CDKL1: variants seen among roughly 807,000 people sequenced by gnomAD.
CDKL1 encodes cyclin-dependent kinase-like 1.
A neutral mutation model predicts 42.0 loss-of-function variants in CDKL1; 41 were observed. That is an observed-to-expected ratio of 0.98 (90% CI 0.76 to 1.27). The LOEUF is 1.27. CDKL1 is among the 50% of genes most tolerant of loss of function. The pLI, the probability that CDKL1 is intolerant of heterozygous loss-of-function variation, is 0.00. For synonymous variants in CDKL1, 153 were observed against 158.6 expected, an observed-to-expected ratio of 0.96 and a Z score of 0.26; for missense variants, 394 against 428.4, an observed-to-expected ratio of 0.92 and a Z score of 0.71.
chr14:50,338,929 C>T lies in CDKL1; in HGVS notation c.738+18G>A. 6.4e-7 allele frequency: 1 copy of T among 1,553,568 alleles called. No individual in the cohort carries two copies. The highest frequency in any genetic ancestry group is 8.9e-7 in the Non-Finnish European group (1 of 1,124,958). On this transcript the variant is annotated intron_variant, in intron 7 of 9. Transcript: ENST00000395834. ...GCTAGCCTGGCCTACAGAGCTCTCT[C>T]CAAAATGGGTAACTCACCATATCTT...
intron 2 of CDKL1, among the ~76,000 whole-genome samples, chr14:50,374,714 T>G (rs887856325): frequency 6.6e-6 from 1 of 152,202 alleles, no homozygotes; most frequent in African/African-American, 2.4e-5. Context: ...GATACATGTA[T>G]GTACACAGGT....
intron 2 of CDKL1, among the ~76,000 whole-genome samples, chr14:50,378,705 A>G (rs751858636): frequency 6.6e-6 from 1 of 152,058 alleles, no homozygotes; most frequent in African/African-American, 2.4e-5. Flanking sequence ...GGATAATTAA[A>G]AAAATTTTTT....
intron 2 of CDKL1, among the ~76,000 whole-genome samples, chr14:50,393,939 C>T (rs1020825789): frequency 6.6e-6 from 1 of 152,144 alleles, no homozygotes; most frequent in African/African-American, 2.4e-5. Context: ...TTTTTCCAAT[C>T]CAACAATGAC....
intron 6 of CDKL1, 125 bp downstream of exon 6, chr14:50,340,907 G>C (rs933331769): frequency 1.0e-6 from 1 of 968,326 alleles, no homozygotes; most frequent in Non-Finnish European, 1.5e-6. Context: ...ATGAGGCTTC[G>C]AGTTTTCCTC....
intron 2 of CDKL1, among the ~76,000 whole-genome samples, chr14:50,383,946 A>G (rs910663754): frequency 1.1e-4 from 16 of 152,230 alleles, no homozygotes; most frequent in African/African-American, 3.9e-4. Flanking sequence ...TTTCTAGATA[A>G]ACACATCAAG....
intron 2 of CDKL1, among the ~76,000 whole-genome samples, chr14:50,373,051 GT>G (rs1210140819): frequency 6.6e-6 from 1 of 152,100 alleles, no homozygotes; most frequent in African/African-American, 2.4e-5. Context: ...TATTAGCATA[GT>G]TTTTTCTATT....
chr14:50,346,003 C>T (rs1342816615), intron 3 of CDKL1, among the ~76,000 whole-genome samples: 1 of 152,094 alleles, frequency 6.6e-6, no homozygotes, highest in East Asian at 1.9e-4. Context: ...TTTTCTGAGA[C>T]CCCAACCCAC....
chr14:50,377,736 T>A, intron 2 of CDKL1: 1 of 1,264,158 alleles, frequency 7.9e-7, no homozygotes, highest in African/African-American at 1.6e-5. Context: ...GGCACTGCAG[T>A]GGCACATGAG....
intron 3 of CDKL1, among the ~76,000 whole-genome samples, chr14:50,351,972 A>G (rs1315585447): frequency 6.6e-6 from 1 of 152,160 alleles, no homozygotes; most frequent in Non-Finnish European, 1.5e-5. Flanking sequence ...GATTTCAGGG[A>G]GCTAAATTTT....
At chr14:50,397,078 C>G, upstream of CDKL1, 2 of 1,343,192 alleles carry the variant, frequency 1.5e-6, no homozygotes, top group South Asian at 1.2e-5. Context: ...GTCCTGCTGC[C>G]GGGAGAGCAG....
rs943163146 is a variant in CDKL1 at position 50,395,735 on chromosome 14, T to C, written c.134A>G (p.Lys45Arg). The C allele has an allele frequency of 1.9e-6, 3 of 1,613,500 alleles. No homozygotes were observed. The highest frequency in any genetic ancestry group is 1.7e-5 in the Admixed American group (1 of 59,968). Residue 45 changes from lysine to arginine, a missense_variant, in exon 2 of 10, where the codon AAG (lysine) becomes AGG (arginine). Coordinates refer to ENST00000395834, the MANE Select transcript of CDKL1 (RefSeq NM_004196.7). ...TCGGATTTCCCGAAGGGCAATTTTC[T>C]TTATGACAGGGTCATCTTCTGATTC... ...FLESEDDPVI[K>R]KIALREIRML...
chr14:50,385,522 T>C (rs1466124782), intron 2 of CDKL1, among the ~76,000 whole-genome samples: 2 of 152,114 alleles, frequency 1.3e-5, no homozygotes, highest in East Asian at 3.9e-4. Flanking sequence ...GTCATGGCAA[T>C]GGGCCAGGCG....
chr14:50,345,591 A>G (rs1040297344), intron 3 of CDKL1, among the ~76,000 whole-genome samples: 10 of 152,232 alleles, frequency 6.6e-5, no homozygotes, highest in Non-Finnish European at 1.3e-4. Context: ...ATTATAGCAA[A>G]GAGCTTTACA....
chr14:50,376,711 C>T (rs1303555248), intron 2 of CDKL1, among the ~76,000 whole-genome samples: 4 of 152,164 alleles, frequency 2.6e-5, no homozygotes, highest in Middle Eastern at 3.4e-3. Flanking sequence ...TTCATATATT[C>T]ACTTGTCATA....
chr14:50,375,727 G>T (rs1241159223), intron 2 of CDKL1, among the ~76,000 whole-genome samples: 1 of 152,088 alleles, frequency 6.6e-6, no homozygotes, highest in Non-Finnish European at 1.5e-5. Flanking sequence ...AACCCGGGAG[G>T]CGGAGGTTGT....
chr14:50,365,902 A>G (rs2034424616), intron 2 of CDKL1, among the ~76,000 whole-genome samples: 1 of 152,182 alleles, frequency 6.6e-6, no homozygotes, highest in Admixed American at 6.5e-5. Flanking sequence ...TTAGACTCCA[A>G]GTTCTTCAGC....
At chr14:50,358,069 T>C (rs768313701) in intron 3 of CDKL1, 60 of 1,357,908 alleles carry the variant, frequency 4.4e-5, no homozygotes, top group Non-Finnish European at 5.7e-5. Flanking sequence ...CCCCTCCTCC[T>C]TTTTTCTTTT....
intron 2 of CDKL1, chr14:50,390,190 G>A (rs1333148869): frequency 7.3e-7 from 1 of 1,365,576 alleles, no homozygotes; most frequent in Non-Finnish European, 9.8e-7. Context: ...GTTTTCTGGA[G>A]GGAGACATGT....
chr14:50,340,343 T>G (rs892514328), intron 6 of CDKL1, among the ~76,000 whole-genome samples: 1 of 152,220 alleles, frequency 6.6e-6, no homozygotes, highest in Non-Finnish European at 1.5e-5. Context: ...GGCATGGCGA[T>G]GGCAGTTCCT....
Sources: gnomAD v4.1 joint callset for allele counts (sites outside exome capture counted in the v4.1 genomes callset) on GRCh38, gnomAD v4.1.1 for gene constraint, MANE v1.5 for transcripts, NCBI Gene and HGNC (gene_info 2026-07-23, HGNC 2026-07-21) for gene names.